The following GNG7 variants were observed in gnomAD, a reference collection of about 807,000 sequenced individuals.
GNG7 encodes guanine nucleotide-binding protein G(I)/G(S)/G(O) subunit gamma-7.
GNG7 carries 1 observed loss-of-function variant against 4.0 expected under a neutral mutation model. The observed-to-expected ratio is 0.25, with a 90% confidence interval of 0.09 to 1.18. The LOEUF is 1.18. GNG7 is among the 50% of genes most tolerant of loss of function. GNG7 has a pLI of 0.50. For missense variants in GNG7, 86 were observed against 91.9 expected, an observed-to-expected ratio of 0.94 and a Z score of 0.26; for synonymous variants, 34 against 36.9, an observed-to-expected ratio of 0.92 and a Z score of 0.29.
At chr19:2,694,913 C>T (rs955555810) in intron 1 of GNG7, among the ~76,000 whole-genome samples, 1 of 151,994 alleles carries the variant, frequency 6.6e-6, no homozygotes, top group African/African-American at 2.4e-5. Context: ...AGCCCTGCCC[C>T]AGAAAATGAC....
rs1981748378 is a variant in GNG7, at chr19:2,617,323, C to A, written c.-78+28901G>T. The stretch of plus-strand genomic sequence containing the variant: ...CCAGAAACTGGATCTTTCAGGGAGG[C>A]AGAGCTCACCAGCCATCCAGGCACT... On this transcript the variant is annotated intron_variant, in intron 2 of 4. Transcript: ENST00000382159. The surrounding 1 kb of genome is among the most constrained non-coding windows in gnomAD (Gnocchi z 4.7). Among the ~76,000 whole-genome samples, 1 of 152,200 alleles carries A rather than the reference C, an allele frequency of 6.6e-6. No homozygotes were observed.
At chr19:2,575,900 G>A (rs959604956) in intron 2 of GNG7, among the ~76,000 whole-genome samples, 1 of 150,134 alleles carries the variant, frequency 6.7e-6, no homozygotes, top group East Asian at 2.0e-4. Context: ...CAGACACGCA[G>A]GCACACGCAG....
intron 1 of GNG7, among the ~76,000 whole-genome samples, chr19:2,654,798 A>G (rs1039085487): frequency 9.3e-6 from 1 of 107,024 alleles, no homozygotes; most frequent in Admixed American, 1.0e-4. Flanking sequence ...CACTGTGGAC[A>G]TTGGGGCTGG....
intron 2 of GNG7, among the ~76,000 whole-genome samples, chr19:2,620,373 C>A (rs1186818197): frequency 1.3e-5 from 2 of 151,928 alleles, no homozygotes; most frequent in Non-Finnish European, 2.9e-5. Context: ...CCCTCACAAA[C>A]CTCTGTCCTG....
At chr19:2,534,837 G>A (rs1978688319) in intron 3 of GNG7, among the ~76,000 whole-genome samples, 1 of 152,198 alleles carries the variant, frequency 6.6e-6, no homozygotes, top group African/African-American at 2.4e-5. Context: ...CTATCTGTCA[G>A]CTTGAAGGCT....
At chr19:2,607,861 G>A (rs78181971) in intron 2 of GNG7, among the ~76,000 whole-genome samples, 2,731 of 152,144 alleles carry the variant, frequency 0.018, 81 homozygotes, top group African/African-American at 0.063. Context: ...ACGGCACGGA[G>A]GCTTTCTAGG....
intron 2 of GNG7, among the ~76,000 whole-genome samples, chr19:2,594,353 C>T (rs968129809): frequency 6.7e-6 from 1 of 148,228 alleles, no homozygotes; most frequent in Non-Finnish European, 1.5e-5. Context: ...CCAGCCTAGG[C>T]GACAGAGTGA....
intron 3 of GNG7, among the ~76,000 whole-genome samples, chr19:2,521,873 C>G (rs1163287337): frequency 1.3e-5 from 2 of 152,126 alleles, no homozygotes; most frequent in South Asian, 4.1e-4. Context: ...CTCGGCCTCT[C>G]AAAGTGCTGG....
chr19:2,533,779 A>C (rs536169036), intron 3 of GNG7, among the ~76,000 whole-genome samples: 9 of 152,368 alleles, frequency 5.9e-5, no homozygotes, highest in Non-Finnish European at 1.2e-4. Flanking sequence ...AAAGGTAGAA[A>C]ATGCAGGAAG....
intron 2 of GNG7, among the ~76,000 whole-genome samples, chr19:2,615,714 C>G (rs1156594181): frequency 1.3e-5 from 2 of 152,108 alleles, no homozygotes; most frequent in South Asian, 4.1e-4. Flanking sequence ...CTGCCCGCCT[C>G]GGCCTCCCAA....
At chr19:2,616,548 G>A (rs1321796506) in intron 2 of GNG7, among the ~76,000 whole-genome samples, 2 of 152,150 alleles carry the variant, frequency 1.3e-5, no homozygotes, top group African/African-American at 2.4e-5. Context: ...AGGCCAAAGC[G>A]AGCGGATCAC....
At chr19:2,604,656 A>AAT (rs1981323245) in intron 2 of GNG7, among the ~76,000 whole-genome samples, 3 of 139,050 alleles carry the variant, frequency 2.2e-5, no homozygotes, top group South Asian at 2.5e-4. Context: ...AAAAAAAAAA[A>AAT]GAATGAATGG....
intron 2 of GNG7, among the ~76,000 whole-genome samples, chr19:2,603,627 C>T (rs1049162100): frequency 4.6e-5 from 7 of 152,146 alleles, no homozygotes; most frequent in African/African-American, 1.7e-4. Flanking sequence ...TGCGGGGCGG[C>T]GGCTAAATTT....
intron 2 of GNG7, among the ~76,000 whole-genome samples, chr19:2,629,625 G>A (rs59604114): frequency 0.012 from 1,859 of 152,282 alleles, 40 homozygotes; most frequent in African/African-American, 0.042. Context: ...CAGACTAGTG[G>A]GAGAAGACAG....
Position 2,557,205 on chromosome 19 carries a change from A to G in GNG7, c.-77-2017T>C, listed in dbSNP as rs879398395. On this transcript the variant is annotated intron_variant, in intron 2 of 4. Transcript: ENST00000382159. The surrounding 1 kb of genome is among the most constrained non-coding windows in gnomAD (Gnocchi z 5.1). ...ACAAGACACGTGCACACACATTTGC[A>G]TGCACACACAGACACACATGCACAC... Among the ~76,000 whole-genome samples the G allele has an allele frequency of 1.3e-5, 2 of 151,098 alleles. No homozygotes were observed. The highest frequency in any genetic ancestry group is 3.9e-4 in the East Asian group (2 of 5,124).
intron 2 of GNG7, among the ~76,000 whole-genome samples, chr19:2,565,197 G>A (rs549401654): frequency 2.6e-5 from 4 of 152,074 alleles, no homozygotes; most frequent in African/African-American, 7.2e-5. Context: ...CTCACACAAC[G>A]TGTGCACCCT....
chr19:2,579,824 G>A (rs1258122495), intron 2 of GNG7, among the ~76,000 whole-genome samples: 1 of 152,146 alleles, frequency 6.6e-6, no homozygotes, highest in East Asian at 1.9e-4. Flanking sequence ...CCACAAATGG[G>A]GGACTGGGAG....
At chr19:2,620,660 G>A (rs1014248308) in intron 2 of GNG7, among the ~76,000 whole-genome samples, 2 of 152,130 alleles carry the variant, frequency 1.3e-5, no homozygotes, top group Admixed American at 1.3e-4. Context: ...AGCTTATGCC[G>A]TCAGCACCCC....
In GNG7 at chr19:2,666,582, G is replaced by T. The variant is rs575644842; in HGVS notation, c.-134-20302C>A. ...CCTGCTCAGCCTCCCCAAGTGCTGG[G>T]ATTACAAGTGTGAGCCACCTTGCCT... On this transcript the variant is annotated intron_variant, in intron 1 of 4. Coordinates refer to ENST00000382159, the MANE Select transcript of GNG7 (RefSeq NM_052847.3). 4.6e-5 allele frequency among the ~76,000 whole-genome samples: 7 copies of T among 152,304 alleles called. No individual in the cohort carries two copies. In the South Asian group the frequency reaches 1.5e-3, roughly 32 times the overall value.
Sources: allele counts gnomAD v4.1 joint callset (sites outside exome capture counted in the v4.1 genomes callset), GRCh38; gene constraint gnomAD v4.1.1; non-coding constraint Gnocchi (gnomAD v3.1); transcripts MANE v1.5; gene names NCBI Gene and HGNC (gene_info 2026-07-23, HGNC 2026-07-21).